Variants in FER1L6 observed in about 807,000 individuals in gnomAD.
FER1L6 encodes the protein fer-1-like protein 6.
FER1L6 carries 177 observed loss-of-function variants against 219.2 expected under a neutral mutation model. That is an observed-to-expected ratio of 0.81 (90% CI 0.71 to 0.91). The LOEUF (loss-of-function observed/expected upper bound fraction) is 0.91, where lower values mean the gene tolerates loss of function less well. FER1L6 is among the 40% of genes least tolerant of loss of function. The pLI, the probability that FER1L6 is intolerant of heterozygous loss-of-function variation, is 0.00. For synonymous variants in FER1L6, 768 were observed against 824.3 expected (o/e 0.93, Z 1.17); for missense variants, 2,153 against 2,259.9 (o/e 0.95, Z 0.96).
rs1422279922 is a variant in FER1L6 at position 124,040,128 on chromosome 8, G to A, written c.2589+122G>A. On this transcript the variant is annotated intron_variant, in intron 20 of 40. Transcript: ENST00000522917. ...TACCTGCATCTTTGGGTGTGTAGAT[G>A]TTTCAGACTGAAAAGCGAATATGTG... The A allele has an allele frequency of 2.0e-5, 27 of 1,318,922 alleles. No individual in the cohort carries two copies. The Admixed American group carries it at 4.4e-4, about 22-fold the overall frequency. 81.7% of individuals were successfully genotyped at this position (1,318,922 alleles called of 1,614,324 possible). A position where few individuals can be genotyped will look rare whatever the true frequency, so the allele number is the denominator to read the frequency against.
intron 1 of FER1L6, among the ~76,000 whole-genome samples, chr8:123,891,280 C>T (rs1183235037): frequency 2.0e-5 from 3 of 152,056 alleles, no homozygotes; most frequent in South Asian, 2.1e-4. Context: ...TGGAAATGTG[C>T]GATGATATTC....
At chr8:123,905,124 C>T (rs191526428) in intron 1 of FER1L6, among the ~76,000 whole-genome samples, 13 of 152,226 alleles carry the variant, frequency 8.5e-5, no homozygotes, top group African/African-American at 1.9e-4. Flanking sequence ...ATGTGCAAGA[C>T]GTGCAGGTTT....
At chr8:124,105,317 G>A (rs1822722169) in intron 39 of FER1L6, among the ~76,000 whole-genome samples, 1 of 152,086 alleles carries the variant, frequency 6.6e-6, no homozygotes, top group Non-Finnish European at 1.5e-5. Context: ...TGAGGGCAGT[G>A]CTGGTGAAGT....
At chr8:123,879,604 C>A (rs1303438645) in intron 1 of FER1L6, among the ~76,000 whole-genome samples, 2 of 152,120 alleles carry the variant, frequency 1.3e-5, no homozygotes, top group African/African-American at 4.8e-5. Flanking sequence ...GGATTACAGG[C>A]ATGAACCACC....
In FER1L6 at chr8:123,986,109, A is replaced by AT; in HGVS notation, c.1458dup (p.Glu487Ter). 1 of 1,613,726 alleles carries AT rather than the reference A, an allele frequency of 6.2e-7. No individual in the cohort carries two copies. Among genetic ancestry groups the AT allele is most frequent in the Non-Finnish European group, 8.5e-7 (1 of 1,179,668 alleles). On this transcript the variant is annotated frameshift_variant, in exon 12 of 41. Coordinates refer to ENST00000522917, the MANE Select transcript of FER1L6 (RefSeq NM_001039112.2). LOFTEE classifies it high-confidence loss of function. ...ATGAGGAATTTTTACTCTTTGGAGC[A>AT]TTTTTTGAAGCTACCATGATTGACC...
At chr8:123,920,237 C>T (rs763763356) in intron 1 of FER1L6, among the ~76,000 whole-genome samples, 15 of 152,124 alleles carry the variant, frequency 9.9e-5, no homozygotes, top group Non-Finnish European at 1.5e-4. Context: ...ATCAGGACCA[C>T]GAAGAGGTCA....
At chr8:123,966,356 C>T (rs1815541290) in intron 5 of FER1L6, 66 bp downstream of exon 5, 1 of 1,591,994 alleles carries the variant, frequency 6.3e-7, no homozygotes, top group African/African-American at 1.3e-5. Flanking sequence ...CTGCAGGATC[C>T]TTCAGTCAAA....
chr8:123,933,361 TCATAG>T (rs1404589404), intron 1 of FER1L6, among the ~76,000 whole-genome samples: 1 of 151,830 alleles, frequency 6.6e-6, no homozygotes, highest in Non-Finnish European at 1.5e-5. Context: ...GATCTTTCTA[TCATAG>T]CATATGTGTG....
chr8:123,873,458 T>C (rs184441225), intron 1 of FER1L6, among the ~76,000 whole-genome samples: 226 of 152,330 alleles, frequency 1.5e-3, no homozygotes, highest in African/African-American at 5.2e-3. Flanking sequence ...TCATCAGTGA[T>C]AGCCTTTTAT....
intron 1 of FER1L6, among the ~76,000 whole-genome samples, chr8:123,917,051 C>T (rs1248802409): frequency 1.3e-5 from 2 of 152,144 alleles, no homozygotes; most frequent in African/African-American, 4.8e-5. Context: ...CAATTCCAAC[C>T]CACTGATTTT....
intron 1 of FER1L6, among the ~76,000 whole-genome samples, chr8:123,953,378 G>T (rs767138137): frequency 2.5e-4 from 38 of 152,116 alleles, no homozygotes; most frequent in Non-Finnish European, 5.9e-5. Context: ...CTCAACACTG[G>T]GTCTGCCGTA....
At chr8:124,102,487 A>G (rs1316770476) in intron 38 of FER1L6, among the ~76,000 whole-genome samples, 1 of 152,226 alleles carries the variant, frequency 6.6e-6, no homozygotes, top group Non-Finnish European at 1.5e-5. Context: ...TAGGGATGAA[A>G]TTATGAAAAA....
At chr8:124,060,466 C>T (rs1429805602) in intron 23 of FER1L6, 82 bp from the exon 24 acceptor site, 1 of 1,570,968 alleles carries the variant, frequency 6.4e-7, no homozygotes, top group Admixed American at 1.7e-5. Flanking sequence ...GGGAGCAGGT[C>T]TAACTTTTCC....
chr8:123,855,408 T>C (rs1816615018), intron 1 of FER1L6, among the ~76,000 whole-genome samples: 2 of 152,136 alleles, frequency 1.3e-5, no homozygotes, highest in African/African-American at 4.8e-5. Context: ...TAAGTTCTGG[T>C]TCTAACTTAA....
At chr8:123,896,913 G>A (rs1812752755) in intron 1 of FER1L6, among the ~76,000 whole-genome samples, 1 of 152,046 alleles carries the variant, frequency 6.6e-6, no homozygotes, top group Non-Finnish European at 1.5e-5. Context: ...AACTTAACTC[G>A]CCGAAGCCCA....
intron 5 of FER1L6, among the ~76,000 whole-genome samples, chr8:123,966,998 C>A (rs748132187): frequency 1.5e-4 from 23 of 149,402 alleles, no homozygotes; most frequent in Admixed American, 6.1e-4. Context: ...AGAAGAATGG[C>A]GTGAACCCAG....
intron 33 of FER1L6, among the ~76,000 whole-genome samples, chr8:124,085,258 T>A (rs1821731749): frequency 6.6e-6 from 1 of 152,094 alleles, no homozygotes. Context: ...TCTCTTTTTC[T>A]ACTAATTTTG....
chr8:123,935,679 C>T (rs1475632048), intron 1 of FER1L6, among the ~76,000 whole-genome samples: 1 of 152,276 alleles, frequency 6.6e-6, no homozygotes, highest in African/African-American at 2.4e-5. Context: ...CCGCTCAACA[C>T]AGCTCCTGGC....
chr8:124,087,170 ATCTC>A (rs376606273), intron 33 of FER1L6, among the ~76,000 whole-genome samples: 2 of 149,018 alleles, frequency 1.3e-5, no homozygotes, highest in African/African-American at 4.9e-5. Flanking sequence ...TTCTACTCTG[ATCTC>A]TCTCTCTCTC....
Sources: allele counts gnomAD v4.1 joint callset (sites outside exome capture counted in the v4.1 genomes callset), GRCh38; gene constraint gnomAD v4.1.1; transcripts MANE v1.5; gene names NCBI Gene and HGNC (gene_info 2026-07-23, HGNC 2026-07-21).